Variants in CLEC2D observed in about 807,000 individuals in gnomAD.
CLEC2D encodes C-type lectin domain family 2 member D.
Under a neutral mutation model 20.0 loss-of-function variants are expected in CLEC2D, and 16 were observed. The ratio of observed to expected loss-of-function variants is 0.80; its 90% CI spans 0.54 to 1.22. CLEC2D has a LOEUF of 1.22. Among genes scored for constraint, CLEC2D ranks in the 50% most tolerant of loss-of-function variants. The probability of loss-of-function intolerance (pLI) is 0.00; values close to 1 mark genes in which losing one functional copy is unlikely to be tolerated. For synonymous variants in CLEC2D, 77 were observed against 71.1 expected, an observed-to-expected ratio of 1.08 and a Z score of -0.42; for missense variants, 207 against 221.5, an observed-to-expected ratio of 0.93 and a Z score of 0.42.
intron 2 of CLEC2D, among the ~76,000 whole-genome samples, chr12:9,685,294 T>G (rs1468420274): frequency 6.6e-6 from 1 of 152,184 alleles, no homozygotes; most frequent in Non-Finnish European, 1.5e-5. Flanking sequence ...AGGAGTTGTC[T>G]CCCAGTCAGG....
chr12:9,679,119 A>G (rs1327208426), intron 1 of CLEC2D, among the ~76,000 whole-genome samples: 1 of 152,164 alleles, frequency 6.6e-6, no homozygotes, highest in African/African-American at 2.4e-5. Context: ...GTAAGAATAC[A>G]TAAGCATATA....
intron 3 of CLEC2D, among the ~76,000 whole-genome samples, chr12:9,690,625 G>C (rs1182003042): frequency 6.6e-6 from 1 of 151,576 alleles, no homozygotes. Context: ...TTATGAAGCA[G>C]GGATGAAGAC....
At chr12:9,693,844 T>C in intron 4 of CLEC2D, 1 of 442,010 alleles carries the variant, frequency 2.3e-6, no homozygotes, top group African/African-American at 2.1e-5. Flanking sequence ...CTTACTCTGT[T>C]ACCCAGGCTG....
chr12:9,672,715 G>A (rs547196960), intron 1 of CLEC2D, among the ~76,000 whole-genome samples: 24 of 152,054 alleles, frequency 1.6e-4, no homozygotes, highest in Admixed American at 7.2e-4. Context: ...TGGTAGGTTC[G>A]GTCTTTTTAC....
chr12:9,682,503 T>C (rs961963843), intron 2 of CLEC2D, among the ~76,000 whole-genome samples: 15 of 152,168 alleles, frequency 9.9e-5, no homozygotes, highest in African/African-American at 3.6e-4. Context: ...TTTCTCCTAA[T>C]GCTATCCCTC....
rs1240480669 is a variant in CLEC2D at position 9,697,974 on chromosome 12, TAA to T, written c.*3101_*3102del. 1.3e-5 allele frequency: 2 copies of T among 152,202 alleles called. No homozygotes were observed. The highest frequency in any genetic ancestry group is 2.1e-4 in the South Asian group (1 of 4,832). 9.4% of individuals were successfully genotyped at this position (152,202 alleles called of 1,614,324 possible). ...GAGATGAAGCTTATGTTAATTAGATTAAGTGTATGTACATAAAAACATCACAT... is the reference window on the plus strand; with the variant it reads ...GAGATGAAGCTTATGTTAATTAGATTGTGTATGTACATAAAAACATCACAT... On this transcript the variant is annotated 3_prime_UTR_variant, in exon 5 of 5. Transcript: ENST00000290855.
intron 4 of CLEC2D, chr12:9,694,066 G>A (rs1399746986): frequency 1.7e-5 from 3 of 174,476 alleles, no homozygotes; most frequent in South Asian, 9.0e-5. Context: ...CTCCCACCTC[G>A]GCCTCCCAAA....
In CLEC2D at chr12:9,695,333, T is replaced by C; in HGVS notation, c.*459T>C. ...GCGCGGCTGTTCTCTGGAGCAGCAT[T>C]CATTTATCTTCGTCTGCCTTGTCTC... is the stretch of plus-strand genomic sequence containing the variant. On this transcript the variant is annotated 3_prime_UTR_variant, in exon 5 of 5. Transcript: ENST00000290855. 1.1e-6 allele frequency: 1 copy of C among 932,688 alleles called. No homozygotes were observed. The highest frequency in any genetic ancestry group is 1.7e-6 in the Non-Finnish European group (1 of 575,830). 57.8% of individuals were successfully genotyped at this position (932,688 alleles called of 1,614,324 possible).
intron 2 of CLEC2D, among the ~76,000 whole-genome samples, chr12:9,681,360 C>G (rs926769944): frequency 6.6e-6 from 1 of 152,078 alleles, no homozygotes; most frequent in Admixed American, 6.6e-5. Context: ...AATTTTACCT[C>G]CACAACAACC....
intron 1 of CLEC2D, among the ~76,000 whole-genome samples, chr12:9,672,079 C>G (rs188860791): frequency 6.6e-6 from 1 of 152,062 alleles, no homozygotes; most frequent in East Asian, 1.9e-4. Flanking sequence ...TCTATTGGCT[C>G]ATAGTTCTGG....
At position 9,695,871 on chromosome 12, in the gene CLEC2D, T is replaced by TA. The variant is rs1565473085; in HGVS notation, c.*997_*998insA. The TA allele has an allele frequency of 9.9e-7, 1 of 1,007,944 alleles. No individual in the cohort carries two copies. The highest frequency in any genetic ancestry group is 1.5e-6 in the Non-Finnish European group (1 of 657,922). 62.4% of individuals were successfully genotyped at this position (1,007,944 alleles called of 1,614,324 possible). On this transcript the variant is annotated 3_prime_UTR_variant, in exon 5 of 5. Transcript: ENST00000290855. The stretch of plus-strand genomic sequence containing the variant: ...CTGCTGCTGCTGATGATGATGATGA[T>TA]GAAGATGATGATGATGATGATGACG...
At chr12:9,681,892 A>T (rs1395597753) in intron 2 of CLEC2D, among the ~76,000 whole-genome samples, 1 of 152,202 alleles carries the variant, frequency 6.6e-6, no homozygotes, top group South Asian at 2.1e-4. Context: ...AGCAAAAATA[A>T]TTTTTTTATT....
intron 1 of CLEC2D, among the ~76,000 whole-genome samples, chr12:9,677,731 T>G (rs1207654888): frequency 7.5e-5 from 11 of 147,162 alleles, no homozygotes; most frequent in Non-Finnish European, 1.4e-4. Context: ...TTTTTTTTAT[T>G]TTGTTGTTTT....
At chr12:9,678,620 C>T (rs1444075665) in intron 1 of CLEC2D, among the ~76,000 whole-genome samples, 1 of 152,066 alleles carries the variant, frequency 6.6e-6, no homozygotes, top group Non-Finnish European at 1.5e-5. Flanking sequence ...GCTCCCTGTA[C>T]CCTTGAAATC....
chr12:9,695,217 G>C lies in CLEC2D; in HGVS notation c.*343G>C, dbSNP rs1266521873. ...GTCATGTCTTATGTGGTGGCAGGCA[G>C]GGGGACTTGTGCACAGGAACTCCTA... On this transcript the variant is annotated 3_prime_UTR_variant, in exon 5 of 5. Transcript: ENST00000290855. 8 of 607,280 alleles carry C rather than the reference G, an allele frequency of 1.3e-5. No homozygotes were observed. In the Admixed American group the frequency reaches 1.6e-4, roughly 12 times the overall value. 37.6% of individuals were successfully genotyped at this position (607,280 alleles called of 1,614,324 possible).
chr12:9,683,196 T>G (rs776170695), intron 2 of CLEC2D, among the ~76,000 whole-genome samples: 1 of 152,320 alleles, frequency 6.6e-6, no homozygotes, highest in Non-Finnish European at 1.5e-5. Context: ...ATAGGGTTTT[T>G]TGTTTTATTC....
rs1335794924 is a variant in CLEC2D, at chr12:9,697,452, T to C, written c.*2578T>C. On this transcript the variant is annotated 3_prime_UTR_variant, in exon 5 of 5. Coordinates refer to ENST00000290855, the MANE Select transcript of CLEC2D (RefSeq NM_013269.6). ...AACAATGCTAATGACTGGCTTGCTG[T>C]TAATAAATACATGGGTAAATCTCTG... 6.6e-6 allele frequency: 1 copy of C among 152,174 alleles called. No individual in the cohort carries two copies. The highest frequency in any genetic ancestry group is 1.5e-5 in the Non-Finnish European group (1 of 68,042). 9.4% of individuals were successfully genotyped at this position (152,174 alleles called of 1,614,324 possible).
In CLEC2D at chr12:9,698,029, AAG is replaced by A. The variant is rs1452432107; in HGVS notation, c.*3156_*3157del. 6.6e-6 allele frequency: 1 copy of A among 152,200 alleles called. No homozygotes were observed. Among genetic ancestry groups the A allele is most frequent in the Admixed American group, 6.5e-5 (1 of 15,278 alleles). The allele number at this position is 152,200 out of a possible 1,614,324, so 9.4% of individuals were successfully genotyped here. A position where few individuals can be genotyped will look rare whatever the true frequency, so the allele number is the denominator to read the frequency against. ...TACACATCAAATATATACAATAAAAAAGCACATTGGGAGATACATGATAAATT... is the reference window on the plus strand; with the variant it reads ...TACACATCAAATATATACAATAAAAACACATTGGGAGATACATGATAAATT... On this transcript the variant is annotated 3_prime_UTR_variant, in exon 5 of 5. Coordinates refer to ENST00000290855, the MANE Select transcript of CLEC2D (RefSeq NM_013269.6).
At chr12:9,671,514 C>T (rs1220381522) in intron 1 of CLEC2D, among the ~76,000 whole-genome samples, 1 of 152,236 alleles carries the variant, frequency 6.6e-6, no homozygotes, top group Non-Finnish European at 1.5e-5. Flanking sequence ...GCCACCGCGC[C>T]CGGCCGAGGA....
Sources: allele counts gnomAD v4.1 joint callset (sites outside exome capture counted in the v4.1 genomes callset), GRCh38; gene constraint gnomAD v4.1.1; transcripts MANE v1.5; gene names NCBI Gene and HGNC (gene_info 2026-07-23, HGNC 2026-07-21).